Variants in FILIP1L observed in about 807,000 individuals in gnomAD.
FILIP1L encodes the protein filamin A-interacting protein 1-like.
In FILIP1L, 55 loss-of-function variants were observed where a neutral mutation model predicts 96.6. The ratio of observed to expected loss-of-function variants is 0.57; its 90% CI spans 0.46 to 0.71. The LOEUF is 0.71. Among genes scored for constraint, FILIP1L ranks in the 30% least tolerant of loss-of-function variants. The probability of loss-of-function intolerance (pLI) is 0.00; values close to 1 mark genes in which losing one functional copy is unlikely to be tolerated. For synonymous variants in FILIP1L, 467 were observed against 473.9 expected (o/e 0.99, Z 0.19); for missense variants, 1,304 against 1,321.2 (o/e 0.99, Z 0.20).
At chr3:99,968,562 G>A (rs2107713587) in intron 1 of FILIP1L, among the ~76,000 whole-genome samples, 1 of 152,278 alleles carries the variant, frequency 6.6e-6, no homozygotes, top group East Asian at 1.9e-4. Flanking sequence ...CCCCATATCA[G>A]TGGTGTTTAA....
chr3:99,922,686 T>C (rs554544528), intron 4 of FILIP1L, among the ~76,000 whole-genome samples: 17 of 152,336 alleles, frequency 1.1e-4, no homozygotes, highest in Admixed American at 5.9e-4. Context: ...TAGAGAGGGT[T>C]AATTGTCCTT....
intron 1 of FILIP1L, among the ~76,000 whole-genome samples, chr3:99,985,781 G>A (rs953441534): frequency 6.6e-6 from 1 of 152,052 alleles, no homozygotes; most frequent in Non-Finnish European, 1.5e-5. Context: ...TAGAGATGGG[G>A]TTTCCCCATG....
intron 4 of FILIP1L, among the ~76,000 whole-genome samples, chr3:99,876,414 C>T (rs1488826545): frequency 6.6e-6 from 1 of 152,220 alleles, no homozygotes; most frequent in African/African-American, 2.4e-5. Context: ...CGCCGGCGCC[C>T]TCCTGTCGGG....
At chr3:100,054,015 A>G (rs1195768858) in intron 1 of FILIP1L, among the ~76,000 whole-genome samples, 1 of 152,244 alleles carries the variant, frequency 6.6e-6, no homozygotes, top group African/African-American at 2.4e-5. Flanking sequence ...ACTTAAAAGT[A>G]TGTAATATTC....
intron 4 of FILIP1L, among the ~76,000 whole-genome samples, chr3:99,861,469 T>A (rs1944250399): frequency 6.6e-6 from 1 of 152,236 alleles, no homozygotes; most frequent in Non-Finnish European, 1.5e-5. Context: ...ATTGTGATGG[T>A]GCTCCTCCTG....
intron 1 of FILIP1L, among the ~76,000 whole-genome samples, chr3:99,956,199 C>G (rs1033819227): frequency 6.6e-6 from 1 of 152,162 alleles, no homozygotes; most frequent in Non-Finnish European, 1.5e-5. Context: ...CTTAACCACT[C>G]TCACCCTTCA....
At chr3:100,004,697 G>A (rs970265002) in intron 1 of FILIP1L, among the ~76,000 whole-genome samples, 2 of 152,216 alleles carry the variant, frequency 1.3e-5, no homozygotes, top group African/African-American at 4.8e-5. Context: ...GTTGAGGAAT[G>A]AGAACTGGGA....
chr3:99,889,348 TTTTAAC>T (rs1390888515), intron 4 of FILIP1L, among the ~76,000 whole-genome samples: 9 of 152,234 alleles, frequency 5.9e-5, no homozygotes, highest in African/African-American at 2.2e-4. Flanking sequence ...TTATAGATGT[TTTTAAC>T]TTTAAGTTCA....
At chr3:99,928,738 G>C (rs2107660072) in intron 3 of FILIP1L, among the ~76,000 whole-genome samples, 1 of 152,318 alleles carries the variant, frequency 6.6e-6, no homozygotes, top group Non-Finnish European at 1.5e-5. Flanking sequence ...TGAGCTCACA[G>C]GGGTTGGGGA....
At chr3:99,880,523 A>G (rs1267990088) in intron 4 of FILIP1L, among the ~76,000 whole-genome samples, 2 of 152,174 alleles carry the variant, frequency 1.3e-5, no homozygotes, top group East Asian at 3.8e-4. Flanking sequence ...ACTTCAGCTG[A>G]CTATGACTCT....
chr3:99,932,991 G>A (rs1230443644), intron 1 of FILIP1L, among the ~76,000 whole-genome samples: 1 of 152,202 alleles, frequency 6.6e-6, no homozygotes, highest in African/African-American at 2.4e-5. Flanking sequence ...CATTTTCCAT[G>A]TATTAGCTCA....
chr3:100,059,688 C>T (rs1012498996), intron 1 of FILIP1L, among the ~76,000 whole-genome samples: 3 of 152,122 alleles, frequency 2.0e-5, no homozygotes, highest in Non-Finnish European at 4.4e-5. Flanking sequence ...CCCATCATGC[C>T]TGAAGAAGTC....
At chr3:99,869,625 T>C (rs904788390) in intron 4 of FILIP1L, among the ~76,000 whole-genome samples, 9 of 152,182 alleles carry the variant, frequency 5.9e-5, no homozygotes, top group Admixed American at 3.3e-4. Flanking sequence ...AACTTTCTCA[T>C]GTTCTCTCTA....
At position 99,921,526 on chromosome 3, in the gene FILIP1L, G is replaced by C. The variant is rs1214734622; in HGVS notation, c.605+2704C>G. 2.6e-5 allele frequency among the ~76,000 whole-genome samples: 4 copies of C among 152,256 alleles called. No homozygotes were observed. In the East Asian group the frequency reaches 7.8e-4, roughly 30 times the overall value. On this transcript the variant is annotated intron_variant, in intron 4 of 5. Transcript: ENST00000477258. ...GTCACATATGCATCAAGGGAGTTGAGAATAGGTTTAATATTGTCACATTCA... is the reference window on the plus strand; with the variant it reads ...GTCACATATGCATCAAGGGAGTTGACAATAGGTTTAATATTGTCACATTCA...
intron 1 of FILIP1L, among the ~76,000 whole-genome samples, chr3:99,993,340 C>A (rs1422454535): frequency 6.6e-6 from 1 of 151,940 alleles, no homozygotes; most frequent in Admixed American, 6.6e-5. Flanking sequence ...GAGCTTGGAA[C>A]TTCACTAGTT....
chr3:99,902,682 A>T (rs1191554974), intron 4 of FILIP1L, among the ~76,000 whole-genome samples: 3 of 152,204 alleles, frequency 2.0e-5, no homozygotes, highest in Non-Finnish European at 2.9e-5. Flanking sequence ...TCAGGAAGAG[A>T]TTCACACTAA....
intron 1 of FILIP1L, among the ~76,000 whole-genome samples, chr3:100,064,729 T>C (rs759549965): frequency 7.9e-5 from 12 of 152,232 alleles, no homozygotes; most frequent in Non-Finnish European, 1.6e-4. Flanking sequence ...TGGCAAATCA[T>C]ACTCATCTGT....
intron 4 of FILIP1L, among the ~76,000 whole-genome samples, chr3:99,896,636 C>T (rs1706263960): frequency 6.6e-6 from 1 of 152,170 alleles, no homozygotes; most frequent in Non-Finnish European, 1.5e-5. Flanking sequence ...AAGGAACAGG[C>T]ACCAAATTAC....
chr3:99,929,639 G>A (rs1707411771), intron 3 of FILIP1L, among the ~76,000 whole-genome samples: 1 of 151,980 alleles, frequency 6.6e-6, no homozygotes, highest in South Asian at 2.1e-4. Flanking sequence ...GGTAGATTTT[G>A]GTTGATTCAA....
Sources: gnomAD v4.1 joint callset for allele counts (sites outside exome capture counted in the v4.1 genomes callset) on GRCh38, gnomAD v4.1.1 for gene constraint, MANE v1.5 for transcripts, NCBI Gene and HGNC (gene_info 2026-07-23, HGNC 2026-07-21) for gene names.